Variants in DRICH1 observed in about 807,000 individuals in gnomAD.
The protein encoded by DRICH1 is aspartate rich 1.
In DRICH1, 38 loss-of-function variants were observed where a neutral mutation model predicts 39.5. The observed-to-expected ratio is 0.96, with a 90% CI of 0.74 to 1.26. DRICH1 has a LOEUF of 1.26. Among genes scored for constraint, DRICH1 ranks in the 50% most tolerant of loss-of-function variants. The pLI, the probability that DRICH1 is intolerant of heterozygous loss-of-function variation, is 0.00. For missense variants in DRICH1, 279 were observed against 270.4 expected, an observed-to-expected ratio of 1.03 and a Z score of -0.22; for synonymous variants, 84 against 99.5, an observed-to-expected ratio of 0.84 and a Z score of 0.93.
In DRICH1 at chr22:23,608,712, C is replaced by T. The variant is rs1420892153; in HGVS notation, c.*52G>A. 2.8e-5 allele frequency: 43 copies of T among 1,545,982 alleles called. No homozygotes were observed. The highest frequency in any genetic ancestry group is 7.8e-5 in the Admixed American group (4 of 51,072). On this transcript the variant is annotated 3_prime_UTR_variant, in exon 12 of 12. Transcript: ENST00000317749. ...GGGCAAAGCTGGGGACCCTGCAGCACGCGCTGGCCTGCCCTTTGGGTCAGC... is the reference window on the plus strand; with the variant it reads ...GGGCAAAGCTGGGGACCCTGCAGCATGCGCTGGCCTGCCCTTTGGGTCAGC...
At chr22:23,619,422 G>C (rs748087163) in intron 5 of DRICH1, 29 bp from the exon 6 acceptor site, 10 of 779,226 alleles carry the variant, frequency 1.3e-5, no homozygotes, top group Non-Finnish European at 2.4e-5. Context: ...GTTAATCTAA[G>C]ACTTTAAGGA....
intron 11 of DRICH1, among the ~76,000 whole-genome samples, chr22:23,612,311 C>T (rs549183977): frequency 6.6e-6 from 1 of 151,520 alleles, no homozygotes; most frequent in South Asian, 2.1e-4. Context: ...ACCAAAAATA[C>T]AAAAAATTAG....
the DRICH1 span, among the ~76,000 whole-genome samples, chr22:23,599,653 C>T: frequency 1.3e-5 from 2 of 152,140 alleles, no homozygotes; most frequent in South Asian, 2.1e-4. Flanking sequence ...TGAGGTCACT[C>T]CTGTGCCTTT....
upstream of DRICH1, among the ~76,000 whole-genome samples, chr22:23,632,490 C>A (rs1174782479): frequency 6.6e-6 from 1 of 152,208 alleles, no homozygotes; most frequent in African/African-American, 2.4e-5. Flanking sequence ...GGCCCCCCTG[C>A]CCCTCTGTGG....
intron 1 of DRICH1, among the ~76,000 whole-genome samples, chr22:23,628,422 T>G (rs1220376176): frequency 6.6e-6 from 1 of 152,120 alleles, no homozygotes; most frequent in African/African-American, 2.4e-5. Flanking sequence ...TAAAAATTAG[T>G]TGGGTGCGGT....
At chr22:23,624,793 T>A in intron 3 of DRICH1, 90 bp downstream of exon 3, 2 of 1,457,050 alleles carry the variant, frequency 1.4e-6, no homozygotes, top group Non-Finnish European at 1.9e-6. Context: ...AGACCCCCAA[T>A]ATTTTTTAAC....
At chr22:23,629,127 C>T (rs1450183947) in intron 1 of DRICH1, among the ~76,000 whole-genome samples, 2 of 152,188 alleles carry the variant, frequency 1.3e-5, no homozygotes, top group Non-Finnish European at 2.9e-5. Flanking sequence ...CAACCTCTGC[C>T]TCTTGGGTTC....
At chr22:23,582,376 T>A in the DRICH1 span, among the ~76,000 whole-genome samples, 1 of 150,962 alleles carries the variant, frequency 6.6e-6, no homozygotes, top group African/African-American at 2.4e-5. Flanking sequence ...TCAAATTCTG[T>A]CCCCATTCAA....
At chr22:23,610,342 TGG>T (rs539766494) in intron 11 of DRICH1, 95 of 152,380 alleles carry the variant, frequency 6.2e-4, no homozygotes, top group Non-Finnish European at 9.0e-4. Context: ...TTTAGGGAAG[TGG>T]GAGGATACTG....
the DRICH1 span, among the ~76,000 whole-genome samples, chr22:23,587,952 C>A: frequency 2.0e-5 from 3 of 152,272 alleles, no homozygotes; most frequent in East Asian, 5.8e-4. Flanking sequence ...CCTATCTGAT[C>A]AAATTCCCAA....
chr22:23,597,094 C>T, the DRICH1 span, among the ~76,000 whole-genome samples: 1 of 144,328 alleles, frequency 6.9e-6, no homozygotes, highest in Non-Finnish European at 1.5e-5. Flanking sequence ...ATATAATGTC[C>T]TTCTTTGCCT....
the DRICH1 span, among the ~76,000 whole-genome samples, chr22:23,594,853 A>T: frequency 6.6e-6 from 1 of 151,786 alleles, no homozygotes; most frequent in Non-Finnish European, 1.5e-5. Flanking sequence ...CCTGGAGGTG[A>T]CACCTCCCAA....
At chr22:23,597,523 A>G in the DRICH1 span, among the ~76,000 whole-genome samples, 1 of 151,368 alleles carries the variant, frequency 6.6e-6, no homozygotes, top group Non-Finnish European at 1.5e-5. Context: ...AAAAAAGGAA[A>G]AAAGAAAAGA....
intron 8 of DRICH1, among the ~76,000 whole-genome samples, chr22:23,615,242 G>A (rs1233556174): frequency 2.0e-5 from 3 of 152,256 alleles, no homozygotes; most frequent in Middle Eastern, 3.4e-3. Flanking sequence ...CAGGCATGGC[G>A]GTGAGTGCCT....
chr22:23,606,733 G>A (rs1926752550), downstream of DRICH1, among the ~76,000 whole-genome samples: 3 of 152,192 alleles, frequency 2.0e-5, no homozygotes, highest in Admixed American at 1.3e-4. Context: ...GCTGGCTGCT[G>A]CCTCTCAGGC....
the DRICH1 span, among the ~76,000 whole-genome samples, chr22:23,594,264 G>T: frequency 2.0e-5 from 3 of 151,858 alleles, no homozygotes; most frequent in Non-Finnish European, 4.4e-5. Context: ...GAAAGCAGCA[G>T]CCAACAACAA....
intron 7 of DRICH1, 138 bp from the exon 8 acceptor site, chr22:23,617,012 C>A: frequency 1.0e-6 from 1 of 977,106 alleles, no homozygotes; most frequent in Non-Finnish European, 1.6e-6. Context: ...ACCAAACATT[C>A]TAGCATAGAG....
At chr22:23,596,179 T>C in the DRICH1 span, among the ~76,000 whole-genome samples, 1 of 152,210 alleles carries the variant, frequency 6.6e-6, no homozygotes, top group South Asian at 2.1e-4. Flanking sequence ...TCTGAGAGTC[T>C]GATTCCATCT....
At chr22:23,609,129 G>A (rs993510142) in intron 11 of DRICH1, among the ~76,000 whole-genome samples, 2 of 152,150 alleles carry the variant, frequency 1.3e-5, no homozygotes, top group African/African-American at 4.8e-5. Flanking sequence ...TAGCCCAGAG[G>A]CACAAACTGA....
Sources: allele counts gnomAD v4.1 joint callset (sites outside exome capture counted in the v4.1 genomes callset), GRCh38; gene constraint gnomAD v4.1.1; transcripts MANE v1.5; gene names NCBI Gene and HGNC (gene_info 2026-07-23, HGNC 2026-07-21).